Variants in STXBP5L observed in about 807,000 individuals in gnomAD.
STXBP5L encodes syntaxin binding protein 5L, also known as syntaxin-binding protein 5-like.
In STXBP5L, 65 loss-of-function variants were observed where a neutral mutation model predicts 144.5. The ratio of observed to expected loss-of-function variants is 0.45; its 90% CI spans 0.37 to 0.55. The LOEUF is 0.55. Among genes scored for constraint, STXBP5L ranks in the 20% least tolerant of loss-of-function variants. The probability of loss-of-function intolerance (pLI) is 0.00; values close to 1 mark genes in which losing one functional copy is unlikely to be tolerated. For synonymous variants in STXBP5L, 505 were observed against 469.6 expected, an observed-to-expected ratio of 1.08 and a Z score of -0.97; for missense variants, 1,298 against 1,405.5, an observed-to-expected ratio of 0.92 and a Z score of 1.22.
chr3:120,909,547 T>C (rs761775833), intron 1 of STXBP5L, 24 bp from the exon 2 acceptor site: 1 of 1,601,598 alleles, frequency 6.2e-7, no homozygotes, highest in Non-Finnish European at 8.5e-7. Flanking sequence ...TCTTTCCCTT[T>C]TTTTCCTTTG....
intron 4 of STXBP5L, 62 bp downstream of exon 4, chr3:121,041,843 A>C: frequency 9.2e-7 from 1 of 1,092,654 alleles, no homozygotes; most frequent in Non-Finnish European, 1.4e-6. Context: ...GAATCAGTTA[A>C]TGTAATCTTT....
chr3:121,170,137 T>C (rs1345008857), intron 9 of STXBP5L, among the ~76,000 whole-genome samples: 2 of 152,174 alleles, frequency 1.3e-5, no homozygotes, highest in Non-Finnish European at 2.9e-5. Context: ...AATAAGTTAT[T>C]TGAAACCAAT....
intron 3 of STXBP5L, among the ~76,000 whole-genome samples, chr3:120,990,728 G>A (rs1393412356): frequency 6.6e-6 from 1 of 152,186 alleles, no homozygotes; most frequent in Non-Finnish European, 1.5e-5. Context: ...AAGAAATGGG[G>A]AAAAGATTCC....
At chr3:121,295,923 GAT>G (rs2051632003) in intron 19 of STXBP5L, among the ~76,000 whole-genome samples, 1 of 152,076 alleles carries the variant, frequency 6.6e-6, no homozygotes, top group Admixed American at 6.6e-5. Flanking sequence ...AGAGAATACT[GAT>G]ATTTTATTTG....
chr3:121,305,822 T>G (rs904210719), intron 19 of STXBP5L, among the ~76,000 whole-genome samples: 1 of 152,124 alleles, frequency 6.6e-6, no homozygotes, highest in African/African-American at 2.4e-5. Context: ...ATTATATGCC[T>G]AAAGATTAGA....
At chr3:121,385,265 C>A (rs1026255546) in intron 22 of STXBP5L, among the ~76,000 whole-genome samples, 1 of 152,018 alleles carries the variant, frequency 6.6e-6, no homozygotes, top group African/African-American at 2.4e-5. Context: ...TCTGGTGAGG[C>A]CTCAGGAAGC....
intron 3 of STXBP5L, among the ~76,000 whole-genome samples, chr3:120,981,179 C>G (rs1392021755): frequency 1.3e-5 from 2 of 152,040 alleles, no homozygotes; most frequent in Non-Finnish European, 2.9e-5. Context: ...TGAGTATATG[C>G]CATGGTGAAG....
At chr3:120,998,502 A>T (rs967052849) in intron 3 of STXBP5L, among the ~76,000 whole-genome samples, 2 of 152,016 alleles carry the variant, frequency 1.3e-5, no homozygotes, top group African/African-American at 4.8e-5. Context: ...CATCTACATT[A>T]GGTATTTCTC....
At chr3:121,414,659 C>T (rs578141699) in intron 24 of STXBP5L, among the ~76,000 whole-genome samples, 4 of 152,174 alleles carry the variant, frequency 2.6e-5, no homozygotes, top group Admixed American at 1.3e-4. Flanking sequence ...AAAAGCCTCA[C>T]GGCTAAGGAA....
In STXBP5L at chr3:121,381,158, G is replaced by C. The variant is rs751171495; in HGVS notation, c.2348-135G>C. On this transcript the variant is annotated intron_variant, in intron 21 of 26. Transcript: ENST00000471454. Reference sequence around the variant, plus strand: ...CAAAATAAGCTGGTGAACTGGATAAGCTCCCTCTCAGGTCAATTAACAAAC... The same window carrying C: ...CAAAATAAGCTGGTGAACTGGATAACCTCCCTCTCAGGTCAATTAACAAAC... 31 of 839,168 alleles carry C rather than the reference G, an allele frequency of 3.7e-5. 1 individual carries two copies. The highest frequency in any genetic ancestry group is 2.2e-4 in the South Asian group (12 of 54,612). The allele number at this position is 839,168 out of a possible 1,614,324, so 52.0% of individuals were successfully genotyped here. A position where few individuals can be genotyped will look rare whatever the true frequency, so the allele number is the denominator to read the frequency against.
chr3:121,181,596 T>C (rs1404482588), intron 9 of STXBP5L, among the ~76,000 whole-genome samples: 1 of 152,102 alleles, frequency 6.6e-6, no homozygotes, highest in African/African-American at 2.4e-5. Flanking sequence ...TAGCTGGGCA[T>C]GGTCGTAGAT....
In STXBP5L at chr3:121,140,168, A is replaced by G. The variant is rs962641718; in HGVS notation, c.670-12309A>G. On this transcript the variant is annotated intron_variant, in intron 7 of 26. Coordinates refer to ENST00000471454, the MANE Select transcript of STXBP5L (RefSeq NM_001308330.2). ...ACAAGTATATAGTGAAATGCTCAAC[A>G]TCGCTCATCATCAGGGAAATGCAAA... Among the ~76,000 whole-genome samples, 8 of 152,250 alleles carry G rather than the reference A, an allele frequency of 5.3e-5. 1 individual carries two copies. In the South Asian group the frequency reaches 1.0e-3, roughly 20 times the overall value.
chr3:121,073,525 G>A (rs1004261064), intron 5 of STXBP5L, among the ~76,000 whole-genome samples: 1 of 152,128 alleles, frequency 6.6e-6, no homozygotes, highest in Non-Finnish European at 1.5e-5. Flanking sequence ...AATATGCCGT[G>A]GGCCAGTACC....
chr3:121,126,384 T>C (rs1449196503), intron 7 of STXBP5L, among the ~76,000 whole-genome samples: 1 of 152,192 alleles, frequency 6.6e-6, no homozygotes, highest in Non-Finnish European at 1.5e-5. Context: ...TGCCAACTCC[T>C]GTCCTAGTCT....
At chr3:121,146,253 CCTGA>C (rs2045707768) in intron 7 of STXBP5L, among the ~76,000 whole-genome samples, 2 of 151,878 alleles carry the variant, frequency 1.3e-5, no homozygotes, top group African/African-American at 2.4e-5. Context: ...TCTGGAGAAC[CCTGA>C]CTAATACAGT....
At chr3:121,113,678 T>C (rs962649050) in intron 5 of STXBP5L, among the ~76,000 whole-genome samples, 25 of 145,338 alleles carry the variant, frequency 1.7e-4, no homozygotes, top group South Asian at 6.6e-4. Context: ...TTTTCTTTTT[T>C]TTTTTTTTTT....
At chr3:120,957,833 A>G (rs1223319912) in intron 3 of STXBP5L, among the ~76,000 whole-genome samples, 2 of 152,198 alleles carry the variant, frequency 1.3e-5, no homozygotes, top group Admixed American at 6.5e-5. Flanking sequence ...ATGCCTTAAC[A>G]TCACAATTAA....
chr3:121,233,627 C>G lies in STXBP5L; in HGVS notation c.1123C>G (p.Pro375Ala), dbSNP rs762850694. 1 of 1,611,176 alleles carries G rather than the reference C, an allele frequency of 6.2e-7. No homozygotes were observed. The highest frequency in any genetic ancestry group is 2.2e-5 in the East Asian group (1 of 44,720). ...ETPYPNEFQEPYAVVVLLEKD... is the reference protein window; with the variant it reads ...ETPYPNEFQEAYAVVVLLEKD... ...ATTTTTACTTGTAGAATTTCAAGAACCCTATGCTGTCGTGGTACTTCTGGA... is the reference window on the plus strand; with the variant it reads ...ATTTTTACTTGTAGAATTTCAAGAAGCCTATGCTGTCGTGGTACTTCTGGA... The change falls in exon 12 of 27, where the codon CCC becomes GCC. Residue 375 changes from proline to alanine, a missense_variant. Coordinates refer to ENST00000471454, the MANE Select transcript of STXBP5L (RefSeq NM_001308330.2).
intron 5 of STXBP5L, among the ~76,000 whole-genome samples, chr3:121,078,058 T>A (rs537888319): frequency 6.6e-6 from 1 of 151,348 alleles, no homozygotes; most frequent in East Asian, 2.0e-4. Context: ...TTGAGCTAGA[T>A]ACAGAGTGCC....
Sources: gnomAD v4.1 joint callset for allele counts (sites outside exome capture counted in the v4.1 genomes callset) on GRCh38, gnomAD v4.1.1 for gene constraint, MANE v1.5 for transcripts, NCBI Gene and HGNC (gene_info 2026-07-23, HGNC 2026-07-21) for gene names.